Variants in PRKN observed in about 807,000 individuals in gnomAD.
The protein encoded by PRKN is parkin RBR E3 ubiquitin protein ligase.
In PRKN, 56 loss-of-function variants were observed where a neutral mutation model predicts 59.5. The ratio of observed to expected loss-of-function variants is 0.94; its 90% CI spans 0.76 to 1.18. PRKN has a LOEUF of 1.18. Ranked by LOEUF, PRKN falls within the 50% of genes most tolerant of loss-of-function variation. The pLI is 0.00. For synonymous variants in PRKN, 250 were observed against 222.1 expected, an observed-to-expected ratio of 1.13 and a Z score of -1.12; for missense variants, 657 against 596.4, an observed-to-expected ratio of 1.10 and a Z score of -1.06.
intron 5 of PRKN, among the ~76,000 whole-genome samples, chr6:161,980,356 C>T (rs917754060): frequency 4.6e-5 from 7 of 152,190 alleles, no homozygotes; most frequent in African/African-American, 1.7e-4. Flanking sequence ...ACACTTTCCA[C>T]TAACAAGGTT....
At chr6:161,901,880 G>C (rs75861900) in intron 6 of PRKN, among the ~76,000 whole-genome samples, 2 of 152,138 alleles carry the variant, frequency 1.3e-5, no homozygotes, top group Non-Finnish European at 2.9e-5. Flanking sequence ...CTGCAGCTGC[G>C]AGTGCTTCAG....
chr6:162,034,823 T>G lies in PRKN; in HGVS notation c.618+19268A>C, dbSNP rs541188421. ...ATAGCCCATATGGAATGTTAACCTTTTATCACGGAATTATGATTTCATAGC... is the reference window on the plus strand; with the variant it reads ...ATAGCCCATATGGAATGTTAACCTTGTATCACGGAATTATGATTTCATAGC... On this transcript the variant is annotated intron_variant, in intron 5 of 11. Coordinates refer to ENST00000366898, the MANE Select transcript of PRKN (RefSeq NM_004562.3). Among the ~76,000 whole-genome samples, 9 of 152,338 alleles carry G rather than the reference T, an allele frequency of 5.9e-5. No individual in the cohort carries two copies. In the East Asian group the frequency reaches 1.7e-3, roughly 29 times the overall value.
At chr6:162,697,199 A>G (rs898390464) in intron 1 of PRKN, among the ~76,000 whole-genome samples, 1 of 152,184 alleles carries the variant, frequency 6.6e-6, no homozygotes, top group Non-Finnish European at 1.5e-5. Flanking sequence ...GAGTTCATTA[A>G]GTTATTCTCC....
At chr6:162,123,675 T>C (rs1416266919) in intron 4 of PRKN, among the ~76,000 whole-genome samples, 1 of 152,182 alleles carries the variant, frequency 6.6e-6, no homozygotes, top group Admixed American at 6.5e-5. Flanking sequence ...TTTGAACGAA[T>C]AGTTATTTTT....
At chr6:162,416,089 G>A (rs1788617580) in intron 2 of PRKN, among the ~76,000 whole-genome samples, 1 of 152,068 alleles carries the variant, frequency 6.6e-6, no homozygotes, top group African/African-American at 2.4e-5. Flanking sequence ...CCAGTATCAT[G>A]CTTTAAAATA....
intron 2 of PRKN, among the ~76,000 whole-genome samples, chr6:162,355,837 T>A (rs1784835710): frequency 6.6e-6 from 1 of 152,134 alleles, no homozygotes; most frequent in African/African-American, 2.4e-5. Flanking sequence ...TGAAGCAGAA[T>A]TTGTTTACAA....
intron 6 of PRKN, among the ~76,000 whole-genome samples, chr6:161,967,504 G>A (rs113765273): frequency 2.6e-5 from 4 of 152,258 alleles, no homozygotes; most frequent in African/African-American, 9.6e-5. Context: ...TTCTCTTAAG[G>A]TCAAAAAGTT....
intron 1 of PRKN, among the ~76,000 whole-genome samples, chr6:162,721,119 C>G (rs1332082980): frequency 6.6e-6 from 1 of 152,218 alleles, no homozygotes; most frequent in Non-Finnish European, 1.5e-5. Context: ...TCCTACTGCA[C>G]AATTACCCTG....
At chr6:162,554,807 C>T (rs561166618) in intron 1 of PRKN, among the ~76,000 whole-genome samples, 1 of 152,168 alleles carries the variant, frequency 6.6e-6, no homozygotes, top group South Asian at 2.1e-4. Flanking sequence ...GGCCAGGTCA[C>T]CACAGAAATG....
rs988441066 is a variant in PRKN, at chr6:161,371,954, G to C, written c.1168-11749C>G. 6.6e-6 allele frequency among the ~76,000 whole-genome samples: 1 copy of C among 152,094 alleles called. No homozygotes were observed. Among genetic ancestry groups the C allele is most frequent in the African/African-American group, 2.4e-5 (1 of 41,432 alleles). On this transcript the variant is annotated intron_variant, in intron 10 of 11. Coordinates refer to ENST00000366898, the MANE Select transcript of PRKN (RefSeq NM_004562.3). This position sits in a 1 kb window ranked among gnomAD's most constrained non-coding sequence, Gnocchi z 5.5. Reference sequence around the variant, plus strand: ...ATGCCTGGCCCAGAAGGGCATTTTTGACAATGATTCTAACAGTGGTGATTT... The same window carrying C: ...ATGCCTGGCCCAGAAGGGCATTTTTCACAATGATTCTAACAGTGGTGATTT...
chr6:161,944,030 AAT>A (rs1779681408), intron 6 of PRKN, among the ~76,000 whole-genome samples: 10 of 136,718 alleles, frequency 7.3e-5, no homozygotes, highest in African/African-American at 2.5e-4. Context: ...CAGCCTGAGG[AAT>A]CAGCCTGAGG....
intron 6 of PRKN, among the ~76,000 whole-genome samples, chr6:161,957,345 T>C (rs1401277695): frequency 2.0e-5 from 3 of 152,080 alleles, no homozygotes; most frequent in African/African-American, 7.2e-5. Flanking sequence ...TTCAAGTTTA[T>C]ATGGCAAGCA....
At chr6:161,656,965 TA>T in intron 7 of PRKN, among the ~76,000 whole-genome samples, 2 of 152,320 alleles carry the variant, frequency 1.3e-5, no homozygotes, top group Middle Eastern at 6.8e-3. Flanking sequence ...TTTCTGACCC[TA>T]GAATGGTACT....
intron 5 of PRKN, among the ~76,000 whole-genome samples, chr6:162,010,170 G>A (rs944085134): frequency 7.0e-6 from 1 of 142,722 alleles, no homozygotes; most frequent in African/African-American, 2.6e-5. Flanking sequence ...ACCCCTCGCA[G>A]AATCAATCAA....
In PRKN at chr6:161,473,301, T is replaced by C. The variant is rs539816408; in HGVS notation, c.1083+75553A>G. 6.6e-6 allele frequency among the ~76,000 whole-genome samples: 1 copy of C among 151,220 alleles called. No individual in the cohort carries two copies. The highest frequency in any genetic ancestry group is 2.1e-4 in the South Asian group (1 of 4,822). On this transcript the variant is annotated intron_variant, in intron 9 of 11. Transcript: ENST00000366898. This position sits in a 1 kb window ranked among gnomAD's most constrained non-coding sequence, Gnocchi z 4.1. ...AATTGTGGAATATATTATATACATA[T>C]ATATTAGGGAGAGGGGAGCATTATA...
At chr6:161,825,179 A>T (rs1360372108) in intron 6 of PRKN, among the ~76,000 whole-genome samples, 1 of 152,128 alleles carries the variant, frequency 6.6e-6, no homozygotes, top group Non-Finnish European at 1.5e-5. Flanking sequence ...GAGGCATATG[A>T]CCAAAAATCA....
At chr6:161,534,034 T>C (rs1395258386) in intron 9 of PRKN, among the ~76,000 whole-genome samples, 2 of 152,104 alleles carry the variant, frequency 1.3e-5, no homozygotes, top group African/African-American at 4.8e-5. Flanking sequence ...TTCCAAAAGA[T>C]CTGATCATGT....
At position 162,152,670 on chromosome 6, in the gene PRKN, G is replaced by A. The variant is rs141445112; in HGVS notation, c.534+48461C>T. The stretch of plus-strand genomic sequence containing the variant: ...AGCCCCAGAAGAATAACAAGGTGAC[G>A]GTGAGGACACACAAGACCAATTTCC... On this transcript the variant is annotated intron_variant, in intron 4 of 11. Transcript: ENST00000366898. Among the ~76,000 whole-genome samples, 586 of 152,264 alleles carry A rather than the reference G, an allele frequency of 3.8e-3. 4 individuals carry two copies. Among genetic ancestry groups the A allele is most frequent in the Middle Eastern group, 0.014 (4 of 294 alleles).
intron 3 of PRKN, among the ~76,000 whole-genome samples, chr6:162,201,628 C>T (rs1025163491): frequency 2.6e-5 from 4 of 152,044 alleles, no homozygotes; most frequent in South Asian, 2.1e-4. Context: ...CTCGTGCTTC[C>T]AGACACAGTT....
Sources: gnomAD v4.1 joint callset for allele counts (sites outside exome capture counted in the v4.1 genomes callset) on GRCh38, gnomAD v4.1.1 for gene constraint, Gnocchi (gnomAD v3.1) non-coding constraint, MANE v1.5 for transcripts, NCBI Gene and HGNC (gene_info 2026-07-23, HGNC 2026-07-21) for gene names.